PSME4: variants seen among roughly 807,000 people sequenced by gnomAD.
The protein encoded by PSME4 is proteasome activator subunit 4, also known as proteasome activator complex subunit 4.
A neutral mutation model predicts 253.9 loss-of-function variants in PSME4; 89 were observed. That is an observed-to-expected ratio of 0.35 (90% CI 0.30 to 0.42). The LOEUF is 0.42. Ranked by LOEUF, PSME4 falls within the 10% of genes least tolerant of loss-of-function variation. The pLI is 1.00. For missense variants in PSME4, 2,014 were observed against 2,195.2 expected, an observed-to-expected ratio of 0.92 and a Z score of 1.65; for synonymous variants, 851 against 759.2, an observed-to-expected ratio of 1.12 and a Z score of -1.99.
At chr2:53,923,792 G>A (rs368377752) in intron 14 of PSME4, among the ~76,000 whole-genome samples, 236 of 151,860 alleles carry the variant, frequency 1.6e-3, no homozygotes, top group African/African-American at 5.5e-3. Flanking sequence ...GCATGGTGGC[G>A]CATGCCTGTA....
chr2:53,934,633 T>C lies in PSME4; in HGVS notation c.929A>G (p.His310Arg). ...CATGGCGGTGATCCATATTACAGCATGTCCTATATCATAAGCATTTGTTAA... is the reference window on the plus strand; with the variant it reads ...CATGGCGGTGATCCATATTACAGCACGTCCTATATCATAAGCATTTGTTAA... ...RFLTNAYDIG[H>R]AVIWITAMMG... The change falls in exon 8 of 47, where the codon CAT (histidine) becomes CGT (arginine). Residue 310 changes from histidine to arginine, a missense_variant. By Grantham distance (29) the His-to-Arg change is conservative. Coordinates refer to ENST00000404125, the MANE Select transcript of PSME4 (RefSeq NM_014614.3). The C allele has an allele frequency of 6.2e-7, 1 of 1,612,790 alleles. No individual in the cohort carries two copies. Among genetic ancestry groups the C allele is most frequent in the South Asian group, 1.1e-5 (1 of 90,892 alleles).
At chr2:53,912,066 G>A (rs1482842531) in intron 20 of PSME4, among the ~76,000 whole-genome samples, 1 of 152,186 alleles carries the variant, frequency 6.6e-6, no homozygotes, top group African/African-American at 2.4e-5. Context: ...CTTCTTCCTC[G>A]ACTTTTAAAA....
chr2:53,903,295 T>C (rs569358722), intron 27 of PSME4, among the ~76,000 whole-genome samples: 5 of 152,310 alleles, frequency 3.3e-5, no homozygotes, highest in African/African-American at 1.2e-4. Context: ...TCTCTCTCTC[T>C]CTCTGATGTG....
intron 20 of PSME4, among the ~76,000 whole-genome samples, chr2:53,915,733 A>T (rs888206971): frequency 6.6e-6 from 1 of 152,152 alleles, no homozygotes; most frequent in African/African-American, 2.4e-5. Context: ...TACAGCAGCT[A>T]GAATTTTATC....
chr2:53,893,516 A>G (rs1680006101), intron 35 of PSME4, among the ~76,000 whole-genome samples, 158 bp downstream of exon 35: 1 of 152,208 alleles, frequency 6.6e-6, no homozygotes, highest in African/African-American at 2.4e-5. Flanking sequence ...TGTTTAGGGA[A>G]TAACGACAAC....
intron 29 of PSME4, among the ~76,000 whole-genome samples, chr2:53,899,015 A>C (rs1233087333): frequency 6.6e-5 from 10 of 151,816 alleles, no homozygotes; most frequent in Non-Finnish European, 1.5e-4. Context: ...TAAAAAAACA[A>C]AAAAAGAAAG....
At chr2:53,899,791 CT>C in intron 29 of PSME4, 89 bp downstream of exon 29, 1 of 1,465,466 alleles carries the variant, frequency 6.8e-7, no homozygotes, top group Admixed American at 2.0e-5. Context: ...GTACTCCAGC[CT>C]GGGCAACAGA....
rs1558413464 is a variant in PSME4 at position 53,940,938 on chromosome 2, TAAA to T, written c.501-941_501-939del. Among the ~76,000 whole-genome samples, 258 of 59,304 alleles carry T rather than the reference TAAA, an allele frequency of 4.4e-3. 13 individuals carry two copies. The highest frequency in any genetic ancestry group is 5.9e-3 in the Non-Finnish European group (208 of 35,226). The allele number at this position is 59,304 out of a possible 152,430, so 38.9% of individuals were successfully genotyped here. A position where few individuals can be genotyped will look rare whatever the true frequency, so the allele number is the denominator to read the frequency against. ...TTTAAATATATATATAATACATATA[TAAA>T]TATATATATACATATATATATATAT... On this transcript the variant is annotated intron_variant, in intron 3 of 46. Coordinates refer to ENST00000404125, the MANE Select transcript of PSME4 (RefSeq NM_014614.3).
chr2:53,881,913 T>C (rs1351404637), intron 41 of PSME4, among the ~76,000 whole-genome samples: 3 of 152,014 alleles, frequency 2.0e-5, no homozygotes, highest in African/African-American at 4.8e-5. Context: ...TAGGACTCTA[T>C]TTACCCGAAA....
chr2:53,962,594 A>C (rs1236118550), intron 1 of PSME4, among the ~76,000 whole-genome samples: 3 of 152,252 alleles, frequency 2.0e-5, no homozygotes, highest in Non-Finnish European at 2.9e-5. Context: ...TAAGGCATTA[A>C]AACACAGTGG....
chr2:53,932,574 G>A, intron 9 of PSME4, 94 bp downstream of exon 9: 1 of 1,056,588 alleles, frequency 9.5e-7, no homozygotes, highest in South Asian at 1.3e-5. Flanking sequence ...ATGAAGGACA[G>A]AAAATGTATT....
intron 1 of PSME4, among the ~76,000 whole-genome samples, chr2:53,949,746 G>T (rs1383518570): frequency 6.6e-6 from 1 of 152,164 alleles, no homozygotes; most frequent in Non-Finnish European, 1.5e-5. Flanking sequence ...GAAATGGAGA[G>T]CTGTTATTCA....
Position 53,940,948 on chromosome 2 carries a change from T to TAATACATATTTAAATATATATATATA in PSME4, c.501-949_501-948insTATATATATATATTTAAATATGTATT, listed in dbSNP as rs1553338406. ...TATATAATACATATATAAATATATA[T>TAATACATATTTAAATATATATATATA]ATACATATATATATATATATATATA... is the stretch of plus-strand genomic sequence containing the variant. On this transcript the variant is annotated intron_variant, in intron 3 of 46. Coordinates refer to ENST00000404125, the MANE Select transcript of PSME4 (RefSeq NM_014614.3). 1.6e-3 allele frequency among the ~76,000 whole-genome samples: 29 copies of TAATACATATTTAAATATATATATATA among 18,524 alleles called. 1 individual carries two copies. The highest frequency in any genetic ancestry group is 4.1e-3 in the African/African-American group (22 of 5,420). The allele number at this position is 18,524 out of a possible 152,430, so 12.2% of individuals were successfully genotyped here. A position where few individuals can be genotyped will look rare whatever the true frequency, so the allele number is the denominator to read the frequency against.
Position 53,864,287 on chromosome 2 carries a change from G to T in PSME4, c.*1291C>A, listed in dbSNP as rs1484910510. 1 of 152,442 alleles carries T rather than the reference G, an allele frequency of 6.6e-6. No homozygotes were observed. The highest frequency in any genetic ancestry group is 1.5e-5 in the Non-Finnish European group (1 of 68,024). 9.4% of individuals were successfully genotyped at this position (152,442 alleles called of 1,614,324 possible). On this transcript the variant is annotated 3_prime_UTR_variant, in exon 47 of 47. Coordinates refer to ENST00000404125, the MANE Select transcript of PSME4 (RefSeq NM_014614.3). ...GACTGTACAGGGTGTGTTGCAAGAT[G>T]ACATTCACCAATTTGTGAATTATTT... is the stretch of plus-strand genomic sequence containing the variant.
chr2:53,938,599 C>T (rs1326497497), intron 4 of PSME4, among the ~76,000 whole-genome samples: 2 of 151,758 alleles, frequency 1.3e-5, no homozygotes, highest in Admixed American at 6.6e-5. Flanking sequence ...AGAGCACCAC[C>T]GCACCCAGCC....
intron 3 of PSME4, among the ~76,000 whole-genome samples, chr2:53,940,940 A>AAT (rs1285943060): frequency 0.016 from 813 of 51,198 alleles, 64 homozygotes; most frequent in East Asian, 0.083. Flanking sequence ...TACATATATA[A>AAT]ATATATATAT....
At chr2:53,960,976 G>A (rs1022712603) in intron 1 of PSME4, among the ~76,000 whole-genome samples, 97 of 152,222 alleles carry the variant, frequency 6.4e-4, no homozygotes, top group African/African-American at 2.2e-3. Flanking sequence ...GCATGGTGGC[G>A]CATGCCTGTA....
At chr2:53,949,782 A>C (rs1669891966) in intron 1 of PSME4, among the ~76,000 whole-genome samples, 2 of 152,192 alleles carry the variant, frequency 1.3e-5, no homozygotes, top group Non-Finnish European at 2.9e-5. Context: ...GTCAAGTAAA[A>C]TAAAAGAAGT....
intron 38 of PSME4, 152 bp from the exon 39 acceptor site, chr2:53,888,141 T>C: frequency 1.6e-6 from 1 of 642,424 alleles, no homozygotes; most frequent in Non-Finnish European, 2.3e-6. Flanking sequence ...ATAGCCTCTT[T>C]ATGAAGATTT....
Sources: gnomAD v4.1 joint callset for allele counts (sites outside exome capture counted in the v4.1 genomes callset) on GRCh38, gnomAD v4.1.1 for gene constraint, MANE v1.5 for transcripts, NCBI Gene and HGNC (gene_info 2026-07-23, HGNC 2026-07-21) for gene names.